ADAMTSL1: variants seen among roughly 807,000 people sequenced by gnomAD.
The protein encoded by ADAMTSL1 is ADAMTS-like protein 1.
A neutral mutation model predicts 201.8 loss-of-function variants in ADAMTSL1; 126 were observed. That is an observed-to-expected ratio of 0.62 (90% CI 0.54 to 0.72). The LOEUF is 0.72. Among genes scored for constraint, ADAMTSL1 ranks in the 30% least tolerant of loss-of-function variants. The probability of loss-of-function intolerance (pLI) is 0.00; values close to 1 mark genes in which losing one functional copy is unlikely to be tolerated. For missense variants in ADAMTSL1, 2,679 were observed against 2,277.8 expected, an observed-to-expected ratio of 1.18 and a Z score of -3.59; for synonymous variants, 1,121 against 903.4, an observed-to-expected ratio of 1.24 and a Z score of -4.32.
chr9:18,675,987 A>G (rs1369930489), intron 10 of ADAMTSL1, 80 bp downstream of exon 10: 2 of 1,258,720 alleles, frequency 1.6e-6, no homozygotes, highest in Non-Finnish European at 2.3e-6. Flanking sequence ...AGATATACAT[A>G]TACATAGAGA....
chr9:18,101,342 AC>A (rs1278568858), intron 1 of ADAMTSL1, among the ~76,000 whole-genome samples: 1 of 152,020 alleles, frequency 6.6e-6, no homozygotes, highest in African/African-American at 2.4e-5. Context: ...CTAAAAAAAT[AC>A]AAAAATTAGC....
chr9:18,521,023 A>G (rs1045431591), intron 2 of ADAMTSL1, among the ~76,000 whole-genome samples: 6 of 152,120 alleles, frequency 3.9e-5, no homozygotes, highest in African/African-American at 1.4e-4. Context: ...TGGTGGTTAT[A>G]TGTACAGGGG....
chr9:18,240,861 G>A (rs1369162878), intron 2 of ADAMTSL1, among the ~76,000 whole-genome samples: 1 of 152,122 alleles, frequency 6.6e-6, no homozygotes, highest in East Asian at 1.9e-4. Context: ...TGTTATAGAG[G>A]CAGCTTCTTT....
intron 2 of ADAMTSL1, among the ~76,000 whole-genome samples, chr9:18,276,788 C>T (rs899515782): frequency 6.6e-6 from 1 of 152,162 alleles, no homozygotes; most frequent in Non-Finnish European, 1.5e-5. Flanking sequence ...AAAGTGAGAA[C>T]TCACTCATTA....
chr9:18,210,091 T>TTC (rs1829805588), intron 2 of ADAMTSL1, among the ~76,000 whole-genome samples: 1 of 152,104 alleles, frequency 6.6e-6, no homozygotes, highest in South Asian at 2.1e-4. Flanking sequence ...TGCCTTCCTT[T>TTC]TCTTTCCTTC....
chr9:18,719,298 TACCATCAC>T (rs1833177357), intron 14 of ADAMTSL1, among the ~76,000 whole-genome samples: 1 of 152,246 alleles, frequency 6.6e-6, no homozygotes, highest in Non-Finnish European at 1.5e-5. Flanking sequence ...AATGTAAAGA[TACCATCAC>T]AGCCACAGGG....
At chr9:18,117,130 G>C (rs1282775708) in intron 1 of ADAMTSL1, among the ~76,000 whole-genome samples, 1 of 151,966 alleles carries the variant, frequency 6.6e-6, no homozygotes, top group Non-Finnish European at 1.5e-5. Context: ...CACCTATTTT[G>C]AACCACCATC....
intron 23 of ADAMTSL1, among the ~76,000 whole-genome samples, chr9:18,885,115 T>C (rs1239399843): frequency 6.6e-6 from 1 of 152,202 alleles, no homozygotes; most frequent in Non-Finnish European, 1.5e-5. Context: ...TCAGTCCATT[T>C]TGTGCTGCTA....
At chr9:18,569,351 A>C (rs1444068810) in intron 3 of ADAMTSL1, among the ~76,000 whole-genome samples, 1 of 152,198 alleles carries the variant, frequency 6.6e-6, no homozygotes, top group Non-Finnish European at 1.5e-5. Flanking sequence ...TTGAGTGCTT[A>C]AAACTCGGGG....
At chr9:18,889,330 T>G (rs1360253851) in intron 24 of ADAMTSL1, among the ~76,000 whole-genome samples, 1 of 152,150 alleles carries the variant, frequency 6.6e-6, no homozygotes, top group African/African-American at 2.4e-5. Context: ...CCACAATAAC[T>G]TGGTGAGGTG....
At position 18,661,997 on chromosome 9, in the gene ADAMTSL1, T is replaced by C. The variant is rs141659739; in HGVS notation, c.1009T>C (p.Tyr337His). 8 of 1,614,106 alleles carry C rather than the reference T, an allele frequency of 5.0e-6. No homozygotes were observed. The highest frequency in any genetic ancestry group is 2.7e-5 in the African/African-American group (2 of 75,054). Residue 337 changes from tyrosine to histidine, a missense_variant, in exon 9 of 29, where the codon TAC becomes CAC. Coordinates refer to ENST00000380548, the MANE Select transcript of ADAMTSL1 (RefSeq NM_001040272.6). ...LRSNRVVADQ[Y>H]CHYYPENIKP... ...GAGCAACCGTGTGGTTGCTGACCAA[T>C]ACTGTCACTATTACCCAGAGAACAT...
intron 1 of ADAMTSL1, among the ~76,000 whole-genome samples, chr9:17,998,391 G>A (rs1819472438): frequency 6.6e-6 from 1 of 151,932 alleles, no homozygotes; most frequent in South Asian, 2.1e-4. Flanking sequence ...GGTAGATAGG[G>A]GAAGGCTGAA....
At chr9:18,635,449 TA>T (rs1465183918) in intron 5 of ADAMTSL1, among the ~76,000 whole-genome samples, 1 of 152,124 alleles carries the variant, frequency 6.6e-6, no homozygotes, top group Non-Finnish European at 1.5e-5. Context: ...TTGTGAAGGA[TA>T]TTTAAGAACT....
chr9:18,838,375 AC>A (rs1825459883), intron 23 of ADAMTSL1, among the ~76,000 whole-genome samples: 4 of 113,788 alleles, frequency 3.5e-5, no homozygotes, highest in African/African-American at 1.1e-4. Flanking sequence ...ACACACACAC[AC>A]ACACACACAC....
chr9:18,497,479 G>A (rs2131886578), intron 1 of ADAMTSL1, among the ~76,000 whole-genome samples: 1 of 152,204 alleles, frequency 6.6e-6, no homozygotes, highest in Middle Eastern at 3.4e-3. Flanking sequence ...GCTATTTCTA[G>A]TAGAAAATCT....
intron 2 of ADAMTSL1, among the ~76,000 whole-genome samples, chr9:18,205,263 T>C (rs1829602433): frequency 1.3e-5 from 2 of 152,196 alleles, no homozygotes; most frequent in South Asian, 2.1e-4. Context: ...TACACTATAA[T>C]GCTCTTAGAA....
chr9:17,928,737 C>G (rs1826656269), intron 1 of ADAMTSL1, among the ~76,000 whole-genome samples: 1 of 152,140 alleles, frequency 6.6e-6, no homozygotes, highest in Non-Finnish European at 1.5e-5. Context: ...GAGCAAGATC[C>G]TATCTCTAAC....
intron 2 of ADAMTSL1, among the ~76,000 whole-genome samples, chr9:18,409,086 G>A (rs1026792036): frequency 5.9e-5 from 9 of 151,556 alleles, no homozygotes; most frequent in Non-Finnish European, 1.3e-4. Flanking sequence ...TTTTCAAATC[G>A]GAAGACTGAC....
intron 23 of ADAMTSL1, among the ~76,000 whole-genome samples, chr9:18,878,001 C>G (rs1227973482): frequency 6.6e-6 from 1 of 151,784 alleles, no homozygotes; most frequent in Non-Finnish European, 1.5e-5. Context: ...GTTATATTCC[C>G]AGGGGGATTA....
Sources: gnomAD v4.1 joint callset for allele counts (sites outside exome capture counted in the v4.1 genomes callset) on GRCh38, gnomAD v4.1.1 for gene constraint, MANE v1.5 for transcripts, NCBI Gene and HGNC (gene_info 2026-07-23, HGNC 2026-07-21) for gene names.